Variants in IL20RA observed in about 807,000 individuals in gnomAD.
IL20RA encodes interleukin 20 receptor subunit alpha, also known as interleukin-20 receptor subunit alpha.
IL20RA carries 29 observed loss-of-function variants against 36.5 expected under a neutral mutation model. The ratio of observed to expected loss-of-function variants is 0.79; its 90% CI spans 0.59 to 1.08. The LOEUF (loss-of-function observed/expected upper bound fraction) is 1.08. Among genes scored for constraint, IL20RA ranks in the 50% least tolerant of loss-of-function variants. The pLI, the probability that IL20RA is intolerant of heterozygous loss-of-function variation, is 0.00. For synonymous variants in IL20RA, 279 were observed against 267.1 expected (o/e 1.04, Z -0.43); for missense variants, 652 against 668.4 (o/e 0.98, Z 0.27).
chr6:137,004,301 G>A (rs187105903), intron 6 of IL20RA, among the ~76,000 whole-genome samples: 10 of 151,328 alleles, frequency 6.6e-5, no homozygotes, highest in Admixed American at 3.3e-4. Flanking sequence ...TCAGCCTCCC[G>A]AGTAGCTGGG....
chr6:137,012,248 C>G (rs886652726), intron 2 of IL20RA, among the ~76,000 whole-genome samples: 2 of 152,074 alleles, frequency 1.3e-5, no homozygotes, highest in Non-Finnish European at 2.9e-5. Flanking sequence ...TGGACAAGGA[C>G]AGGGGCAGTA....
chr6:137,026,447 G>A (rs1776091455), intron 1 of IL20RA, among the ~76,000 whole-genome samples: 1 of 152,198 alleles, frequency 6.6e-6, no homozygotes, highest in Non-Finnish European at 1.5e-5. Flanking sequence ...CACAGGATCT[G>A]CACAGTCAGA....
At chr6:137,037,356 C>A (rs1019711925) in intron 1 of IL20RA, among the ~76,000 whole-genome samples, 1 of 152,304 alleles carries the variant, frequency 6.6e-6, no homozygotes, top group Middle Eastern at 3.4e-3. Context: ...ATTGTCCTTT[C>A]AGCAAAGAGT....
intron 1 of IL20RA, among the ~76,000 whole-genome samples, chr6:137,022,227 C>T (rs746341136): frequency 6.6e-6 from 1 of 152,004 alleles, no homozygotes; most frequent in Non-Finnish European, 1.5e-5. Context: ...ATAGGAGGTC[C>T]GTTCCTTTTC....
At chr6:137,007,874 G>A (rs181033468) in intron 5 of IL20RA, among the ~76,000 whole-genome samples, 1 of 152,192 alleles carries the variant, frequency 6.6e-6, no homozygotes, top group East Asian at 1.9e-4. Flanking sequence ...AATGAATTCT[G>A]CTTTACAGTG....
intron 6 of IL20RA, among the ~76,000 whole-genome samples, chr6:137,003,954 C>G (rs550399790): frequency 6.6e-6 from 1 of 152,134 alleles, no homozygotes; most frequent in African/African-American, 2.4e-5. Context: ...CCTCCTTGTA[C>G]CCCCAGAATT....
chr6:137,032,963 A>C (rs1048239911), intron 1 of IL20RA, among the ~76,000 whole-genome samples: 5 of 152,244 alleles, frequency 3.3e-5, no homozygotes, highest in African/African-American at 1.2e-4. Flanking sequence ...AAGAGTAATC[A>C]GGATAAAAGC....
rs371581891 is a variant in IL20RA, at chr6:137,009,498, A to T, written c.404-6T>A. 2.5e-6 allele frequency: 4 copies of T among 1,582,728 alleles called. No individual in the cohort carries two copies. The highest frequency in any genetic ancestry group is 1.7e-4 in the Middle Eastern group (1 of 5,988). On this transcript the variant is annotated splice_region_variant and splice_polypyrimidine_tract_variant and intron_variant, in intron 3 of 6. Transcript: ENST00000316649. The stretch of plus-strand genomic sequence containing the variant: ...CTCTGGTGGGCCAATTTGTGCTTAA[A>T]GGGGGAGAAAGAGGGTATTATCATG...
intron 2 of IL20RA, among the ~76,000 whole-genome samples, chr6:137,015,888 C>T (rs562252375): frequency 6.6e-6 from 1 of 152,228 alleles, no homozygotes; most frequent in South Asian, 2.1e-4. Context: ...AACTTGTGAG[C>T]TCATGCGATC....
At chr6:137,025,359 A>G (rs1776050577) in intron 1 of IL20RA, among the ~76,000 whole-genome samples, 1 of 152,212 alleles carries the variant, frequency 6.6e-6, no homozygotes, top group Admixed American at 6.5e-5. Flanking sequence ...GAAGATGACC[A>G]TCTATGAACC....
At position 137,029,417 on chromosome 6, in the gene IL20RA, G is replaced by A. The variant is rs184472946; in HGVS notation, c.89-12314C>T. Among the ~76,000 whole-genome samples the A allele has an allele frequency of 1.9e-4, 29 of 152,338 alleles. No homozygotes were observed. The East Asian group carries it at 5.4e-3, about 28-fold the overall frequency. On this transcript the variant is annotated intron_variant, in intron 1 of 6. Coordinates refer to ENST00000316649, the MANE Select transcript of IL20RA (RefSeq NM_014432.4). ...AGCTACTCGAGAGGCTGAGACAGAA[G>A]AATTGCCTGAACCTGGGAGGCGGAG... is the stretch of plus-strand genomic sequence containing the variant.
At chr6:137,026,670 G>A (rs902511886) in intron 1 of IL20RA, among the ~76,000 whole-genome samples, 4 of 152,166 alleles carry the variant, frequency 2.6e-5, no homozygotes, top group Admixed American at 6.5e-5. Context: ...TTCAGGAAGC[G>A]GATGTTGTAA....
At chr6:137,032,913 C>CT (rs1776349542) in intron 1 of IL20RA, among the ~76,000 whole-genome samples, 1 of 152,166 alleles carries the variant, frequency 6.6e-6, no homozygotes, top group Non-Finnish European at 1.5e-5. Flanking sequence ...AAGACTGGCT[C>CT]TTTGAGGTAC....
At chr6:137,037,383 A>C (rs1776526567) in intron 1 of IL20RA, among the ~76,000 whole-genome samples, 1 of 152,228 alleles carries the variant, frequency 6.6e-6, no homozygotes, top group Non-Finnish European at 1.5e-5. Context: ...AGTTGCATTT[A>C]AGACCATCAT....
At chr6:137,004,998 T>C (rs1321976413) in intron 5 of IL20RA, among the ~76,000 whole-genome samples, 3 of 152,226 alleles carry the variant, frequency 2.0e-5, no homozygotes, top group African/African-American at 4.8e-5. Flanking sequence ...GTACCTCAAA[T>C]GTTTACACTA....
At position 137,017,036 on chromosome 6, in the gene IL20RA, A is replaced by G. The variant is rs1775718090; in HGVS notation, c.156T>C (p.Asn52=). 1 of 1,612,720 alleles carries G rather than the reference A, an allele frequency of 6.2e-7. No individual in the cohort carries two copies. Among genetic ancestry groups the G allele is most frequent in the East Asian group, 2.2e-5 (1 of 44,874 alleles). The change falls in exon 2 of 7, where the codon AAT becomes AAC. Residue 52 remains asparagine (N), a synonymous_variant. Coordinates refer to ENST00000316649, the MANE Select transcript of IL20RA (RefSeq NM_014432.4). ...NITFLSINMK[N]VLQWTPPEGL... ...CCTCTGGTGGAGTCCATTGTAGGAC[A>G]TTCTTCATGTTGATGGATAAGAAGG...
intron 1 of IL20RA, among the ~76,000 whole-genome samples, chr6:137,031,143 G>A (rs1776264279): frequency 6.6e-6 from 1 of 152,172 alleles, no homozygotes; most frequent in African/African-American, 2.4e-5. Flanking sequence ...CAGGCCAATG[G>A]CAGTGGACAT....
intron 5 of IL20RA, among the ~76,000 whole-genome samples, chr6:137,005,846 A>G (rs920409130): frequency 6.6e-6 from 1 of 150,950 alleles, no homozygotes; most frequent in Non-Finnish European, 1.5e-5. Flanking sequence ...GCAAACATCA[A>G]CTCTTCCGTG....
At position 137,008,729 on chromosome 6, in the gene IL20RA, C is replaced by T. The variant is rs147634362; in HGVS notation, c.594G>A (p.Val198=). The change falls in exon 5 of 7, where the codon GTG becomes GTA. Residue 198 remains valine (V), a synonymous_variant. Coordinates refer to ENST00000316649, the MANE Select transcript of IL20RA (RefSeq NM_014432.4). ...AGGTGAGCACCAGCGTGTGGTTGGT[C>T]ACACACTGGGACCACTAGGATAGGG... is the stretch of plus-strand genomic sequence containing the variant. The part of the protein sequence containing the change: ...TKSNRTWSQC[V]TNHTLVLTWL... 1 of 1,600,988 alleles carries T rather than the reference C, an allele frequency of 6.2e-7. No individual in the cohort carries two copies. Among genetic ancestry groups the T allele is most frequent in the African/African-American group, 1.3e-5 (1 of 74,430 alleles).
Sources: gnomAD v4.1 joint callset for allele counts (sites outside exome capture counted in the v4.1 genomes callset) on GRCh38, gnomAD v4.1.1 for gene constraint, MANE v1.5 for transcripts, NCBI Gene and HGNC (gene_info 2026-07-23, HGNC 2026-07-21) for gene names.